Variants in CAST observed in about 807,000 individuals in gnomAD.
CAST encodes the protein MIR583 host.
Under a neutral mutation model 119.6 loss-of-function variants are expected in CAST, and 76 were observed. The observed-to-expected ratio is 0.64, with a 90% CI of 0.53 to 0.77. The LOEUF is 0.77. Among genes scored for constraint, CAST ranks in the 30% least tolerant of loss-of-function variants. The pLI is 0.00. For missense variants in CAST, 953 were observed against 946.5 expected, an observed-to-expected ratio of 1.01 and a Z score of -0.09; for synonymous variants, 319 against 331.6, an observed-to-expected ratio of 0.96 and a Z score of 0.41.
intron 1 of CAST, among the ~76,000 whole-genome samples, chr5:96,630,033 A>C (rs1478571461): frequency 6.6e-6 from 1 of 152,210 alleles, no homozygotes; most frequent in Non-Finnish European, 1.5e-5. Flanking sequence ...AGAAGGCTTG[A>C]GATATCTGTC....
intron 1 of CAST, among the ~76,000 whole-genome samples, chr5:96,612,233 T>C (rs899012024): frequency 1.3e-5 from 2 of 152,208 alleles, no homozygotes. Flanking sequence ...TTAGACACTA[T>C]GGAATACCAT....
At chr5:96,307,788 A>ATT in the CAST span, among the ~76,000 whole-genome samples, 1 of 152,126 alleles carries the variant, frequency 6.6e-6, no homozygotes, top group African/African-American at 2.4e-5. Flanking sequence ...CCCCTACTCT[A>ATT]TTCTGGCTTG....
At chr5:96,529,802 CTG>C (rs1745658450), upstream of CAST, 1 of 437,148 alleles carries the variant, frequency 2.3e-6, no homozygotes, top group South Asian at 1.6e-5. Context: ...GGCATTCATT[CTG>C]TCTTTCGCCA....
intron 1 of CAST, among the ~76,000 whole-genome samples, chr5:96,562,046 C>A (rs6881449): frequency 0.29 from 44,315 of 150,892 alleles, 6,894 homozygotes; most frequent in East Asian, 0.58. Context: ...CCCGCCTCGG[C>A]CTCCCAAAGT....
intron 10 of CAST, among the ~76,000 whole-genome samples, chr5:96,736,597 A>T (rs1183610855): frequency 6.6e-6 from 1 of 152,170 alleles, no homozygotes; most frequent in African/African-American, 2.4e-5. Context: ...AATCAGTGTA[A>T]GCCTAACAGC....
chr5:96,534,208 A>G (rs1478762376), intron 1 of CAST, among the ~76,000 whole-genome samples: 1 of 152,194 alleles, frequency 6.6e-6, no homozygotes, highest in African/African-American at 2.4e-5. Context: ...ATCACATTGA[A>G]TCGACATTTT....
At chr5:96,461,854 T>G in the CAST span, among the ~76,000 whole-genome samples, 1 of 152,118 alleles carries the variant, frequency 6.6e-6, no homozygotes, top group African/African-American at 2.4e-5. Flanking sequence ...GTACATCAAG[T>G]GATTAAGTCC....
chr5:96,080,492 A>G, the CAST span, among the ~76,000 whole-genome samples: 1 of 152,220 alleles, frequency 6.6e-6, no homozygotes, highest in African/African-American at 2.4e-5. Flanking sequence ...GGTATAAGTG[A>G]AAGTCTGAAT....
At chr5:96,075,728 A>G in the CAST span, among the ~76,000 whole-genome samples, 44 of 152,320 alleles carry the variant, frequency 2.9e-4, no homozygotes, top group African/African-American at 1.1e-3. Context: ...TGCTTTCTGG[A>G]AGGATCATTT....
chr5:96,129,698 C>A, the CAST span, among the ~76,000 whole-genome samples: 1 of 151,980 alleles, frequency 6.6e-6, no homozygotes, highest in African/African-American at 2.4e-5. Flanking sequence ...AAAATGACAT[C>A]AGAGATATTT....
the CAST span, among the ~76,000 whole-genome samples, chr5:96,454,820 A>G: frequency 2.0e-5 from 3 of 152,228 alleles, no homozygotes; most frequent in Non-Finnish European, 4.4e-5. Context: ...CCTTCCAATA[A>G]CCATCAAAGA....
chr5:96,462,951 A>G, the CAST span, among the ~76,000 whole-genome samples: 1 of 152,068 alleles, frequency 6.6e-6, no homozygotes, highest in Non-Finnish European at 1.5e-5. Context: ...AAGTTTCCTG[A>G]GGCTTCCCCA....
At chr5:96,716,893 A>C (rs1757280883) in intron 3 of CAST, among the ~76,000 whole-genome samples, 1 of 152,208 alleles carries the variant, frequency 6.6e-6, no homozygotes, top group African/African-American at 2.4e-5. Flanking sequence ...ATGATAAGAA[A>C]CTAGATGCTC....
chr5:96,709,688 G>T (rs189065588), intron 3 of CAST, among the ~76,000 whole-genome samples: 43 of 152,190 alleles, frequency 2.8e-4, no homozygotes, highest in African/African-American at 9.6e-4. Context: ...CCTGATCTTC[G>T]TAATGATCTG....
intron 19 of CAST, among the ~76,000 whole-genome samples, chr5:96,749,528 G>GT (rs754059974): frequency 2.0e-5 from 3 of 152,000 alleles, no homozygotes; most frequent in Admixed American, 6.6e-5. Context: ...GTTTGCTTCT[G>GT]TTCTTTTTGT....
At chr5:96,515,920 T>A in the CAST span, among the ~76,000 whole-genome samples, 921 of 150,998 alleles carry the variant, frequency 6.1e-3, 4 homozygotes, top group Non-Finnish European at 9.9e-3. Context: ...GTGGAACCAC[T>A]GATAAACTCT....
the CAST span, among the ~76,000 whole-genome samples, chr5:96,061,177 T>C: frequency 6.6e-6 from 1 of 151,918 alleles, no homozygotes; most frequent in Non-Finnish European, 1.5e-5. Context: ...CTAACACCCC[T>C]AAAAAAGAAT....
chr5:96,591,571 C>T (rs985048071), intron 1 of CAST, among the ~76,000 whole-genome samples: 2 of 152,002 alleles, frequency 1.3e-5, no homozygotes, highest in East Asian at 1.9e-4. Context: ...GACTGGAAGG[C>T]GAATAGGTCT....
intron 1 of CAST, among the ~76,000 whole-genome samples, chr5:96,674,328 T>C (rs1319318643): frequency 1.3e-5 from 2 of 150,590 alleles, no homozygotes; most frequent in East Asian, 3.9e-4. Flanking sequence ...ATTACTATTA[T>C]TATTATCATT....
Sources: gnomAD v4.1 joint callset for allele counts (sites outside exome capture counted in the v4.1 genomes callset) on GRCh38, gnomAD v4.1.1 for gene constraint, MANE v1.5 for transcripts, NCBI Gene and HGNC (gene_info 2026-07-23, HGNC 2026-07-21) for gene names.